The following SGCD variants were observed in gnomAD, a reference collection of about 807,000 sequenced individuals.
The protein encoded by SGCD is sarcoglycan delta.
A neutral mutation model predicts 36.6 loss-of-function variants in SGCD; 18 were observed. The observed-to-expected ratio is 0.49, with a 90% CI of 0.34 to 0.73. SGCD has a LOEUF of 0.73. Ranked by LOEUF, SGCD falls within the 30% of genes least tolerant of loss-of-function variation. The pLI is 0.01. For synonymous variants in SGCD, 133 were observed against 130.6 expected (o/e 1.02, Z -0.12); for missense variants, 387 against 346.7 (o/e 1.12, Z -0.92).
At position 156,745,116 on chromosome 5, in the gene SGCD, G is replaced by A. The variant is rs186140312; in HGVS notation, c.576-12465G>A. On this transcript the variant is annotated intron_variant, in intron 7 of 8. Coordinates refer to ENST00000337851, the MANE Select transcript of SGCD (RefSeq NM_000337.6). ...CAAAACAAATCTTGGGGTTCACTGAGGTGGGGAGTCTTAGAGATTTCACAG... is the reference window on the plus strand; with the variant it reads ...CAAAACAAATCTTGGGGTTCACTGAAGTGGGGAGTCTTAGAGATTTCACAG... 6.8e-3 allele frequency among the ~76,000 whole-genome samples: 1,031 copies of A among 152,224 alleles called. 5 individuals carry two copies. The highest frequency in any genetic ancestry group is 0.012 in the Non-Finnish European group (788 of 68,014).
chr5:156,393,264 A>G (rs1771677581), intron 3 of SGCD, among the ~76,000 whole-genome samples: 1 of 152,194 alleles, frequency 6.6e-6, no homozygotes, highest in Non-Finnish European at 1.5e-5. Flanking sequence ...TGTTAGGGGT[A>G]TTTATTTTCA....
At chr5:156,340,033 T>C (rs1271078123) in intron 2 of SGCD, among the ~76,000 whole-genome samples, 1 of 152,210 alleles carries the variant, frequency 6.6e-6, no homozygotes, top group Non-Finnish European at 1.5e-5. Context: ...TTGATGGTTG[T>C]AATGTAGAAT....
chr5:156,075,079 C>T (rs28379915), intron 1 of SGCD, among the ~76,000 whole-genome samples: 60 of 152,154 alleles, frequency 3.9e-4, no homozygotes, highest in African/African-American at 1.3e-3. Context: ...TACAAATGTA[C>T]GAAAAGGACA....
At chr5:155,732,841 C>T in the SGCD span, among the ~76,000 whole-genome samples, 1 of 152,160 alleles carries the variant, frequency 6.6e-6, no homozygotes. Context: ...CAGACAGCTT[C>T]AAGAGGAGAA....
intron 3 of SGCD, among the ~76,000 whole-genome samples, chr5:156,316,432 AT>A (rs998476136): frequency 5.3e-5 from 8 of 151,994 alleles, no homozygotes; most frequent in Non-Finnish European, 1.0e-4. Context: ...TTTCAATGGT[AT>A]TTTTTATAGG....
chr5:155,922,828 G>A lies in SGCD; in HGVS notation c.-282+52404G>A, dbSNP rs114135170. 3.0e-3 allele frequency among the ~76,000 whole-genome samples: 456 copies of A among 152,230 alleles called. 2 individuals are homozygous for A. Among genetic ancestry groups the A allele is most frequent in the African/African-American group, 0.011 (446 of 41,534 alleles). On this transcript the variant is annotated intron_variant, in intron 1 of 9. Coordinates refer to the SGCD transcript ENST00000517913. ...AGTTGTAGAGAAAGAGGGCATTTGA[G>A]GTTGGCTGTTTCATCTGAGAAGACC...
At chr5:156,123,045 C>A (rs1762084348) in intron 2 of SGCD, among the ~76,000 whole-genome samples, 1 of 151,880 alleles carries the variant, frequency 6.6e-6, no homozygotes, top group African/African-American at 2.4e-5. Flanking sequence ...AAGGCATAAA[C>A]TTAGAAGAAG....
chr5:156,209,944 G>A (rs1764394240), intron 3 of SGCD, among the ~76,000 whole-genome samples: 1 of 152,148 alleles, frequency 6.6e-6, no homozygotes, highest in Non-Finnish European at 1.5e-5. Flanking sequence ...CAGATCCCAG[G>A]CTCGTTCCAG....
intron 3 of SGCD, among the ~76,000 whole-genome samples, chr5:156,186,613 A>G (rs1400596276): frequency 6.6e-6 from 1 of 152,164 alleles, no homozygotes; most frequent in Non-Finnish European, 1.5e-5. Context: ...CTCTGCTTAC[A>G]TACACGACTA....
intron 7 of SGCD, among the ~76,000 whole-genome samples, chr5:156,729,257 C>G (rs1465635145): frequency 6.6e-6 from 1 of 152,160 alleles, no homozygotes; most frequent in Non-Finnish European, 1.5e-5. Flanking sequence ...CAATTACATG[C>G]GAAGCTTTCC....
At chr5:156,757,261 T>TAAAAA (rs1757371523) in intron 7 of SGCD, among the ~76,000 whole-genome samples, 1 of 2,260 alleles carries the variant, frequency 4.4e-4, no homozygotes, top group Non-Finnish European at 1.4e-3. Context: ...GACTTACTTT[T>TAAAAA]ACAAAAAAAA....
intron 1 of SGCD, among the ~76,000 whole-genome samples, chr5:156,080,685 TC>T (rs1178679985): frequency 2.0e-5 from 3 of 152,222 alleles, no homozygotes; most frequent in Non-Finnish European, 4.4e-5. Flanking sequence ...GCAGCCCAGT[TC>T]TTTGCTATGG....
chr5:155,910,351 A>G (rs1199280356), intron 1 of SGCD, among the ~76,000 whole-genome samples: 1 of 152,156 alleles, frequency 6.6e-6, no homozygotes, highest in Non-Finnish European at 1.5e-5. Flanking sequence ...CTTCTTTTAA[A>G]TAATAAAGTT....
chr5:156,646,288 C>T (rs1157530905), intron 6 of SGCD, among the ~76,000 whole-genome samples: 1 of 152,214 alleles, frequency 6.6e-6, no homozygotes, highest in African/African-American at 2.4e-5. Flanking sequence ...CCTGTCAGAA[C>T]CTATCTCCCT....
intron 3 of SGCD, among the ~76,000 whole-genome samples, chr5:156,448,133 G>T (rs1195908892): frequency 2.6e-5 from 4 of 152,098 alleles, no homozygotes; most frequent in Non-Finnish European, 4.4e-5. Context: ...CACCTTTTCT[G>T]TATTTGTTGA....
intron 3 of SGCD, among the ~76,000 whole-genome samples, chr5:156,240,277 G>T (rs192614247): frequency 6.6e-6 from 1 of 152,270 alleles, no homozygotes; most frequent in Non-Finnish European, 1.5e-5. Context: ...ATATAGAATA[G>T]AAGTAGAGGA....
intron 6 of SGCD, among the ~76,000 whole-genome samples, chr5:156,628,916 G>A (rs148943644): frequency 1.1e-4 from 16 of 152,288 alleles, no homozygotes; most frequent in African/African-American, 2.9e-4. Flanking sequence ...TGCACCTTAT[G>A]AGTGCAATGA....
In SGCD at chr5:156,687,058, G is replaced by A. The variant is rs1262338006; in HGVS notation, c.575+39522G>A. 2.6e-5 allele frequency among the ~76,000 whole-genome samples: 4 copies of A among 152,264 alleles called. No individual in the cohort carries two copies. The East Asian group carries it at 5.8e-4, about 22-fold the overall frequency. On this transcript the variant is annotated intron_variant, in intron 7 of 8. Transcript: ENST00000337851. Reference sequence around the variant, plus strand: ...CAGCAGCTCCAGATATGCTCATGCCGCACCAGACAATGCTACAATCTCCTG... The same window carrying A: ...CAGCAGCTCCAGATATGCTCATGCCACACCAGACAATGCTACAATCTCCTG...
chr5:156,485,488 C>A (rs1755620647), intron 3 of SGCD, among the ~76,000 whole-genome samples: 1 of 151,954 alleles, frequency 6.6e-6, no homozygotes, highest in African/African-American at 2.4e-5. Flanking sequence ...CATGGTGAAA[C>A]CTGTCTCTAC....
Sources: gnomAD v4.1 joint callset for allele counts (sites outside exome capture counted in the v4.1 genomes callset) on GRCh38, gnomAD v4.1.1 for gene constraint, MANE v1.5 for transcripts, NCBI Gene and HGNC (gene_info 2026-07-23, HGNC 2026-07-21) for gene names.